Variants in UNC5D observed in about 807,000 individuals in gnomAD.
UNC5D encodes the protein unc-5 netrin receptor D.
UNC5D carries 39 observed loss-of-function variants against 105.4 expected under a neutral mutation model. The observed-to-expected ratio is 0.37, with a 90% CI of 0.29 to 0.48. The LOEUF is 0.48. Ranked by LOEUF, UNC5D falls within the 20% of genes least tolerant of loss-of-function variation. The probability of loss-of-function intolerance (pLI) is 0.98; values close to 1 mark genes in which losing one functional copy is unlikely to be tolerated. For synonymous variants in UNC5D, 452 were observed against 450.4 expected, an observed-to-expected ratio of 1.00 and a Z score of -0.04; for missense variants, 991 against 1,202.4, an observed-to-expected ratio of 0.82 and a Z score of 2.60.
At chr8:35,563,660 GA>G (rs1817122661) in intron 2 of UNC5D, among the ~76,000 whole-genome samples, 1 of 152,032 alleles carries the variant, frequency 6.6e-6, no homozygotes, top group Non-Finnish European at 1.5e-5. Context: ...TATGTTGAAT[GA>G]AAATATAAAA....
At chr8:35,748,033 T>C (rs967536290) in intron 11 of UNC5D, among the ~76,000 whole-genome samples, 1 of 152,250 alleles carries the variant, frequency 6.6e-6, no homozygotes, top group African/African-American at 2.4e-5. Flanking sequence ...ACACTCAGTC[T>C]GTATCTTCAA....
intron 4 of UNC5D, among the ~76,000 whole-genome samples, chr8:35,662,303 G>T (rs1418593066): frequency 1.3e-5 from 2 of 152,092 alleles, no homozygotes; most frequent in Non-Finnish European, 2.9e-5. Flanking sequence ...GCCTAGACCG[G>T]TATCATAAAG....
chr8:35,311,346 C>T (rs1213792368), intron 1 of UNC5D, among the ~76,000 whole-genome samples: 1 of 152,100 alleles, frequency 6.6e-6, no homozygotes, highest in East Asian at 1.9e-4. Flanking sequence ...GCGATGTGAT[C>T]TCTGGATTGC....
intron 14 of UNC5D, 137 bp downstream of exon 14, chr8:35,759,606 AAC>A: frequency 9.8e-7 from 1 of 1,019,362 alleles, no homozygotes; most frequent in Non-Finnish European, 1.4e-6. Context: ...ACAGAAATGT[AAC>A]AGTTTGGACT....
intron 11 of UNC5D, among the ~76,000 whole-genome samples, chr8:35,747,432 G>A (rs192551508): frequency 5.3e-5 from 8 of 152,206 alleles, no homozygotes; most frequent in Admixed American, 1.3e-4. Context: ...TTTGCCCAAC[G>A]GGTTGCTTTT....
Position 35,645,313 on chromosome 8 carries a change from G to A in UNC5D, c.571-38234G>A, listed in dbSNP as rs1465611178. Among the ~76,000 whole-genome samples the A allele has an allele frequency of 2.0e-5, 3 of 152,260 alleles. No homozygotes were observed. In the South Asian group the frequency reaches 6.2e-4, roughly 32 times the overall value. On this transcript the variant is annotated intron_variant, in intron 4 of 16. Transcript: ENST00000404895. ...TACTGTTTTGCAGGAAGCTGAAGCA[G>A]CAGCCTGGTTGCTCTGATTAATTAA...
chr8:35,518,157 A>G (rs908736512), intron 1 of UNC5D, among the ~76,000 whole-genome samples: 2 of 152,198 alleles, frequency 1.3e-5, no homozygotes, highest in Non-Finnish European at 1.5e-5. Context: ...CTTGACAACA[A>G]TTATTTATTA....
chr8:35,296,116 A>C (rs1158408500), intron 1 of UNC5D, among the ~76,000 whole-genome samples: 2 of 152,218 alleles, frequency 1.3e-5, no homozygotes, highest in African/African-American at 4.8e-5. Context: ...TGAATGCTAC[A>C]GCGATCATGG....
intron 1 of UNC5D, among the ~76,000 whole-genome samples, chr8:35,398,611 A>G (rs1044515765): frequency 2.6e-5 from 4 of 151,574 alleles, no homozygotes; most frequent in African/African-American, 9.7e-5. Context: ...TGTATTTGAG[A>G]GGCTCTTCCT....
chr8:35,617,872 T>A (rs1821125958), intron 4 of UNC5D, among the ~76,000 whole-genome samples: 1 of 152,248 alleles, frequency 6.6e-6, no homozygotes, highest in Non-Finnish European at 1.5e-5. Flanking sequence ...ACTGTTCTTT[T>A]AATTGTTGAT....
At chr8:35,347,248 A>G (rs554378136) in intron 1 of UNC5D, among the ~76,000 whole-genome samples, 1 of 152,152 alleles carries the variant, frequency 6.6e-6, no homozygotes, top group East Asian at 1.9e-4. Flanking sequence ...CTCTGGCTCC[A>G]TGAGCCAATA....
intron 4 of UNC5D, among the ~76,000 whole-genome samples, chr8:35,638,445 A>T (rs1295581638): frequency 6.6e-6 from 1 of 152,032 alleles, no homozygotes; most frequent in Non-Finnish European, 1.5e-5. Flanking sequence ...TTCAATTTTT[A>T]TTATTACTTT....
At chr8:35,758,058 A>G (rs896621014) in intron 13 of UNC5D, among the ~76,000 whole-genome samples, 1 of 152,228 alleles carries the variant, frequency 6.6e-6, no homozygotes, top group African/African-American at 2.4e-5. Flanking sequence ...CATCACAGCT[A>G]GTTTACAACA....
intron 4 of UNC5D, among the ~76,000 whole-genome samples, chr8:35,646,195 A>G (rs1441314260): frequency 6.6e-6 from 1 of 152,144 alleles, no homozygotes; most frequent in Admixed American, 6.6e-5. Context: ...CAGAGAAAAC[A>G]TAATCTCTGC....
chr8:35,782,043 C>T (rs1802525719), intron 16 of UNC5D, among the ~76,000 whole-genome samples: 1 of 152,198 alleles, frequency 6.6e-6, no homozygotes, highest in African/African-American at 2.4e-5. Context: ...GTTTTCCATG[C>T]CAGCTTCCTC....
chr8:35,526,271 A>G, intron 1 of UNC5D, among the ~76,000 whole-genome samples: 1 of 152,146 alleles, frequency 6.6e-6, no homozygotes, highest in Non-Finnish European at 1.5e-5. Context: ...GAAGGCTTGC[A>G]TTGTTCCCTG....
rs151052950 is a variant in UNC5D at position 35,439,797 on chromosome 8, A to G, written c.104-109495A>G. ...AAATATGGAAAGTCATCTTCTAAAT[A>G]TGGAAAGTCGTTTTCCTTCTAAATA... On this transcript the variant is annotated intron_variant, in intron 1 of 16. Coordinates refer to ENST00000404895, the MANE Select transcript of UNC5D (RefSeq NM_080872.4). 1.4e-3 allele frequency among the ~76,000 whole-genome samples: 207 copies of G among 152,184 alleles called. 1 individual carries two copies. Among genetic ancestry groups the G allele is most frequent in the African/African-American group, 4.7e-3 (195 of 41,540 alleles).
chr8:35,530,140 G>A (rs1814233524), intron 1 of UNC5D, among the ~76,000 whole-genome samples: 1 of 152,112 alleles, frequency 6.6e-6, no homozygotes, highest in Non-Finnish European at 1.5e-5. Flanking sequence ...CAAAGGGAAT[G>A]CTTCCAGTTT....
chr8:35,375,974 A>G lies in UNC5D; in HGVS notation c.103+140087A>G, dbSNP rs145388458. Among the ~76,000 whole-genome samples the G allele has an allele frequency of 8.5e-5, 13 of 152,282 alleles. No homozygotes were observed. In the East Asian group the frequency reaches 2.5e-3, roughly 29 times the overall value. ...TCCTGAATCTCAGAAGAAATTTGAGATGTTTCCAGACGTTGATTTGGTCAA... is the reference window on the plus strand; with the variant it reads ...TCCTGAATCTCAGAAGAAATTTGAGGTGTTTCCAGACGTTGATTTGGTCAA... On this transcript the variant is annotated intron_variant, in intron 1 of 16. Transcript: ENST00000404895.
Sources: gnomAD v4.1 joint callset for allele counts (sites outside exome capture counted in the v4.1 genomes callset) on GRCh38, gnomAD v4.1.1 for gene constraint, MANE v1.5 for transcripts, NCBI Gene and HGNC (gene_info 2026-07-23, HGNC 2026-07-21) for gene names.